The following ARHGAP44 variants were observed in gnomAD, a reference collection of about 807,000 sequenced individuals.
ARHGAP44 encodes rho GTPase-activating protein 44.
A neutral mutation model predicts 106.8 loss-of-function variants in ARHGAP44; 43 were observed. That is an observed-to-expected ratio of 0.40 (90% CI 0.32 to 0.52). The LOEUF (loss-of-function observed/expected upper bound fraction) is 0.52, where lower values mean the gene tolerates loss of function less well. Ranked by LOEUF, ARHGAP44 falls within the 20% of genes least tolerant of loss-of-function variation. The pLI is 0.48. For synonymous variants in ARHGAP44, 439 were observed against 410.3 expected, an observed-to-expected ratio of 1.07 and a Z score of -0.85; for missense variants, 866 against 1,050.5, an observed-to-expected ratio of 0.82 and a Z score of 2.43.
intron 1 of ARHGAP44, among the ~76,000 whole-genome samples, chr17:12,865,607 G>C (rs564319157): frequency 2.4e-4 from 37 of 152,190 alleles, no homozygotes; most frequent in African/African-American, 8.4e-4. Flanking sequence ...GGCTAACATG[G>C]TGAAACCCTG....
chr17:12,893,797 C>T (rs1044024559), intron 1 of ARHGAP44, among the ~76,000 whole-genome samples: 1 of 152,136 alleles, frequency 6.6e-6, no homozygotes, highest in Non-Finnish European at 1.5e-5. Context: ...TCTACAGAGA[C>T]CAGGCTTTTG....
Position 12,949,862 on chromosome 17 carries a change from A to T in ARHGAP44, c.1055+132A>T, listed in dbSNP as rs147914685. The T allele has an allele frequency of 6.7e-4, 572 of 852,720 alleles. 1 individual carries two copies. The African/African-American group carries it at 9.1e-3, about 14-fold the overall frequency. The allele number at this position is 852,720 out of a possible 1,614,324, so 52.8% of individuals were successfully genotyped here. A position where few individuals can be genotyped will look rare whatever the true frequency, so the allele number is the denominator to read the frequency against. ...ATCTCTGCCATGAAGGAGTGCTTATACATTTGCCCAAGGAGGCAGGTCCAG... is the reference window on the plus strand; with the variant it reads ...ATCTCTGCCATGAAGGAGTGCTTATTCATTTGCCCAAGGAGGCAGGTCCAG... On this transcript the variant is annotated intron_variant, in intron 12 of 20. Coordinates refer to ENST00000379672, the MANE Select transcript of ARHGAP44 (RefSeq NM_014859.6). This position sits in a 1 kb window ranked among gnomAD's most constrained non-coding sequence, Gnocchi z 4.1.
intron 1 of ARHGAP44, among the ~76,000 whole-genome samples, chr17:12,799,268 G>A (rs1308782585): frequency 6.6e-6 from 1 of 152,160 alleles, no homozygotes; most frequent in Non-Finnish European, 1.5e-5. Context: ...AAGCTCTGCT[G>A]TGATAACACA....
intron 1 of ARHGAP44, among the ~76,000 whole-genome samples, chr17:12,815,826 A>G (rs931619581): frequency 1.3e-5 from 2 of 152,210 alleles, no homozygotes; most frequent in Non-Finnish European, 2.9e-5. Context: ...TCAGAGTTAA[A>G]TAAGGAGATG....
At chr17:12,844,043 T>A (rs1020805523) in intron 1 of ARHGAP44, among the ~76,000 whole-genome samples, 1 of 152,160 alleles carries the variant, frequency 6.6e-6, no homozygotes, top group Non-Finnish European at 1.5e-5. Flanking sequence ...AAATTTCTGT[T>A]TAGTTTTTTA....
intron 1 of ARHGAP44, among the ~76,000 whole-genome samples, chr17:12,867,373 G>A (rs1005472815): frequency 3.9e-5 from 6 of 152,122 alleles, no homozygotes; most frequent in Non-Finnish European, 7.4e-5. Flanking sequence ...TGCTAGAAAT[G>A]CCAGGGGTGG....
chr17:12,890,990 T>G (rs2037027953), intron 1 of ARHGAP44, among the ~76,000 whole-genome samples: 1 of 152,182 alleles, frequency 6.6e-6, no homozygotes. Context: ...TGACTTCAGT[T>G]TCTAATAAGA....
chr17:12,845,523 C>CAAAAAA (rs370128532), intron 1 of ARHGAP44, among the ~76,000 whole-genome samples: 1 of 140,988 alleles, frequency 7.1e-6, no homozygotes. Flanking sequence ...AAAAAAAAAA[C>CAAAAAA]AAAAAAACAA....
intron 1 of ARHGAP44, among the ~76,000 whole-genome samples, chr17:12,877,681 C>T (rs11659065): frequency 0.22 from 33,905 of 151,308 alleles, 4,224 homozygotes; most frequent in Middle Eastern, 0.29. Flanking sequence ...ACCCGGGAGG[C>T]GGAGCTTGCC....
rs557884352 is a variant in ARHGAP44 at position 12,949,552 on chromosome 17, C to G, written c.974-97C>G. The stretch of plus-strand genomic sequence containing the variant: ...GCTGTTGACATGGTGGTCAGGAGGC[C>G]CATCCCCAGATGGAACCCACATAGG... On this transcript the variant is annotated intron_variant, in intron 11 of 20. Coordinates refer to ENST00000379672, the MANE Select transcript of ARHGAP44 (RefSeq NM_014859.6). The surrounding 1 kb of genome is among the most constrained non-coding windows in gnomAD (Gnocchi z 4.1). 1.1e-3 allele frequency: 1,221 copies of G among 1,158,026 alleles called. 3 individuals carry two copies. Among genetic ancestry groups the G allele is most frequent in the Non-Finnish European group, 1.3e-3 (1,057 of 795,312 alleles). The allele number at this position is 1,158,026 out of a possible 1,614,324, so 71.7% of individuals were successfully genotyped here.
chr17:12,857,231 C>T (rs9891581), intron 1 of ARHGAP44, among the ~76,000 whole-genome samples: 81,466 of 151,976 alleles, frequency 0.54, 24,463 homozygotes, highest in East Asian at 0.65. Flanking sequence ...ATGAGGTCTG[C>T]GTTAGTTCAT....
At chr17:12,955,452 G>A (rs1264928915) in intron 13 of ARHGAP44, among the ~76,000 whole-genome samples, 3 of 152,026 alleles carry the variant, frequency 2.0e-5, no homozygotes, top group Admixed American at 2.0e-4. Context: ...CCCAACTGAG[G>A]GTAACTCCAA....
At position 12,919,835 on chromosome 17, in the gene ARHGAP44, G is replaced by T. The variant is rs780386498; in HGVS notation, c.464+4G>T. The T allele has an allele frequency of 1.9e-6, 3 of 1,610,790 alleles. No homozygotes were observed. The highest frequency in any genetic ancestry group is 2.2e-5 in the South Asian group (2 of 90,266). On this transcript the variant is annotated splice_donor_region_variant and intron_variant, in intron 6 of 20. Coordinates refer to ENST00000379672, the MANE Select transcript of ARHGAP44 (RefSeq NM_014859.6). ...ACATGGATTCCTCACGAACCAGGTA[G>T]AATCTCTTTACTTTCTTTTTTGCTT... is the stretch of plus-strand genomic sequence containing the variant.
chr17:12,802,946 TATATATA>T, intron 1 of ARHGAP44, among the ~76,000 whole-genome samples: 1 of 20,318 alleles, frequency 4.9e-5, no homozygotes, highest in Non-Finnish European at 9.1e-5. Context: ...TATATATATA[TATATATA>T]TATATATATA....
chr17:12,990,022 C>T lies in ARHGAP44; in HGVS notation c.2318-10C>T, dbSNP rs370320771. On this transcript the variant is annotated splice_polypyrimidine_tract_variant and intron_variant, in intron 20 of 20. Transcript: ENST00000379672. ...TCCTTTCAACCACCTCTCTCTCTGC[C>T]GCCTTCCAGATCTTGTCCACTTTGA... The T allele has an allele frequency of 1.5e-5, 24 of 1,594,574 alleles. No individual in the cohort carries two copies. The highest frequency in any genetic ancestry group is 2.0e-5 in the Non-Finnish European group (23 of 1,163,570).
intron 7 of ARHGAP44, 130 bp downstream of exon 7, chr17:12,929,176 G>T (rs540233841): frequency 2.5e-5 from 20 of 806,222 alleles, no homozygotes; most frequent in East Asian, 8.6e-5. Flanking sequence ...CCCCAAGCCC[G>T]CCGGCTAGCA....
intron 20 of ARHGAP44, chr17:12,986,821 G>C (rs190289865): frequency 2.8e-6 from 1 of 352,822 alleles, no homozygotes; most frequent in East Asian, 4.4e-5. Context: ...TCTAAGAAGC[G>C]GAGTGGCTCA....
At chr17:12,894,297 GAA>G in intron 1 of ARHGAP44, among the ~76,000 whole-genome samples, 1 of 122,626 alleles carries the variant, frequency 8.2e-6, no homozygotes, top group African/African-American at 3.1e-5. Flanking sequence ...GAGAGAGTGA[GAA>G]AGAGAGGGGG....
chr17:12,835,094 T>C (rs1018320150), intron 1 of ARHGAP44, among the ~76,000 whole-genome samples: 3 of 152,196 alleles, frequency 2.0e-5, no homozygotes, highest in Non-Finnish European at 4.4e-5. Flanking sequence ...TTGTGTGTGA[T>C]GTCGAGAAAG....
Sources: gnomAD v4.1 joint callset for allele counts (sites outside exome capture counted in the v4.1 genomes callset) on GRCh38, gnomAD v4.1.1 for gene constraint, Gnocchi (gnomAD v3.1) non-coding constraint, MANE v1.5 for transcripts, NCBI Gene and HGNC (gene_info 2026-07-23, HGNC 2026-07-21) for gene names.